The following SPAG16 variants were observed in gnomAD, a reference collection of about 807,000 sequenced individuals.
SPAG16 encodes the protein sperm-associated antigen 16 protein.
Under a neutral mutation model 80.4 loss-of-function variants are expected in SPAG16, and 86 were observed. The ratio of observed to expected loss-of-function variants is 1.07; its 90% CI spans 0.90 to 1.28. The LOEUF (loss-of-function observed/expected upper bound fraction) is 1.28. SPAG16 is among the 50% of genes most tolerant of loss of function. The pLI is 0.00. For missense variants in SPAG16, 870 were observed against 765.3 expected (o/e 1.14, Z -1.61); for synonymous variants, 294 against 265.9 (o/e 1.11, Z -1.03).
intron 9 of SPAG16, among the ~76,000 whole-genome samples, chr2:213,462,442 G>A (rs1216239084): frequency 6.6e-6 from 1 of 152,062 alleles, no homozygotes; most frequent in Non-Finnish European, 1.5e-5. Context: ...TGTATTTGGA[G>A]GAGATCACAT....
At chr2:213,599,709 GTTTTGTTTTT>G (rs1246181149) in intron 10 of SPAG16, among the ~76,000 whole-genome samples, 2 of 152,062 alleles carry the variant, frequency 1.3e-5, no homozygotes, top group African/African-American at 4.8e-5. Context: ...GTTTTGTTTT[GTTTTGTTTTT>G]GAGATGGAGT....
intron 10 of SPAG16, among the ~76,000 whole-genome samples, chr2:213,585,178 A>T (rs1486667701): frequency 6.7e-6 from 1 of 149,248 alleles, no homozygotes; most frequent in African/African-American, 2.5e-5. Context: ...AATGAGAGTG[A>T]GACTCCATCT....
At chr2:214,356,883 A>T (rs1234066843) in intron 15 of SPAG16, among the ~76,000 whole-genome samples, 1 of 151,840 alleles carries the variant, frequency 6.6e-6, no homozygotes, top group African/African-American at 2.4e-5. Flanking sequence ...TCTATCTCAT[A>T]CCTTTCTTTT....
At position 213,478,730 on chromosome 2, in the gene SPAG16, C is replaced by T. The variant is rs2073571855; in HGVS notation, c.943-11233C>T. 3.9e-5 allele frequency among the ~76,000 whole-genome samples: 6 copies of T among 152,220 alleles called. No individual in the cohort carries two copies. In the South Asian group the frequency reaches 1.2e-3, roughly 32 times the overall value. ...GAATGAATTAATAAAAACTATGTGA[C>T]TGTTCTGGAAGATTCTGCCATATTC... On this transcript the variant is annotated intron_variant, in intron 9 of 15. Transcript: ENST00000331683.
At chr2:214,126,025 T>C (rs2054464153) in intron 14 of SPAG16, among the ~76,000 whole-genome samples, 1 of 18,008 alleles carries the variant, frequency 5.6e-5, no homozygotes, top group African/African-American at 1.7e-4. Context: ...CTTCCTTCCT[T>C]CCTTCCTTCC....
chr2:213,828,174 T>G (rs555921976), intron 10 of SPAG16, among the ~76,000 whole-genome samples: 1 of 152,284 alleles, frequency 6.6e-6, no homozygotes, highest in Admixed American at 6.5e-5. Context: ...TTTGAGCCTA[T>G]TTTCTAGGTC....
rs191662637 is a variant in SPAG16, at chr2:214,017,489, A to G, written c.1527+3412A>G. ...ATAACTGAGTGTTCTAGGAAAGTCT[A>G]TATCTTATTTACTTTCTCTTATGTG... On this transcript the variant is annotated intron_variant, in intron 13 of 15. Transcript: ENST00000331683. Among the ~76,000 whole-genome samples, 34 of 152,262 alleles carry G rather than the reference A, an allele frequency of 2.2e-4. No homozygotes were observed. The East Asian group carries it at 4.4e-3, about 20-fold the overall frequency.
At chr2:214,184,823 A>G (rs553581053) in intron 15 of SPAG16, among the ~76,000 whole-genome samples, 3 of 152,236 alleles carry the variant, frequency 2.0e-5, no homozygotes, top group East Asian at 1.9e-4. Context: ...CTTTTTAGCC[A>G]TTTAAATTTT....
chr2:213,492,565 AC>A (rs969524012), intron 10 of SPAG16, among the ~76,000 whole-genome samples: 6 of 151,872 alleles, frequency 4.0e-5, no homozygotes, highest in African/African-American at 9.7e-5. Flanking sequence ...ACAAAAAAAA[AC>A]AACCAAAAGA....
chr2:214,190,564 T>A (rs2057629772), intron 15 of SPAG16, among the ~76,000 whole-genome samples: 2 of 152,160 alleles, frequency 1.3e-5, no homozygotes, highest in Non-Finnish European at 2.9e-5. Flanking sequence ...TCCAGCCTGT[T>A]GTATATGATA....
At chr2:214,309,893 G>T (rs910157298) in intron 15 of SPAG16, among the ~76,000 whole-genome samples, 4 of 152,162 alleles carry the variant, frequency 2.6e-5, no homozygotes, top group Admixed American at 2.6e-4. Context: ...CAGGTTGTGG[G>T]GTGTCCTGCT....
At chr2:214,276,389 T>C (rs932848100) in intron 15 of SPAG16, among the ~76,000 whole-genome samples, 18 of 152,222 alleles carry the variant, frequency 1.2e-4, no homozygotes, top group African/African-American at 4.3e-4. Context: ...CTTGCTAGCA[T>C]TGGTGGTCTT....
intron 5 of SPAG16, among the ~76,000 whole-genome samples, chr2:213,330,460 A>C (rs1200201940): frequency 6.6e-6 from 1 of 152,220 alleles, no homozygotes; most frequent in Non-Finnish European, 1.5e-5. Flanking sequence ...TGGATTTTGC[A>C]CTTGCATGGG....
rs1259666576 is a variant in SPAG16 at position 213,297,290 on chromosome 2, A to T, written c.212A>T (p.Glu71Val). Residue 71 changes from glutamate to valine, a missense_variant, in exon 3 of 16, where the codon GAA becomes GTA. Transcript: ENST00000331683. ...EIPDDNFSIP[E>V]GEEDLAKAIQ... ...CCAGATGACAATTTTAGCATCCCAG[A>T]AGGTGAAGAAGATCTGGCAAAAGCA... The T allele has an allele frequency of 2.5e-6, 4 of 1,612,780 alleles. No individual in the cohort carries two copies. In the South Asian group the frequency reaches 4.4e-5, roughly 18 times the overall value.
At chr2:213,662,756 G>A (rs930890555) in intron 10 of SPAG16, among the ~76,000 whole-genome samples, 6 of 151,852 alleles carry the variant, frequency 4.0e-5, no homozygotes, top group Admixed American at 3.9e-4. Context: ...CTTACTAATA[G>A]TTAACAAAAT....
At chr2:213,557,171 T>G (rs1380859666) in intron 10 of SPAG16, among the ~76,000 whole-genome samples, 1 of 152,140 alleles carries the variant, frequency 6.6e-6, no homozygotes, top group Non-Finnish European at 1.5e-5. Context: ...AGCACTGCCT[T>G]TAGATCTCTG....
intron 15 of SPAG16, among the ~76,000 whole-genome samples, chr2:214,377,026 A>G (rs1700171721): frequency 6.6e-6 from 1 of 152,220 alleles, no homozygotes; most frequent in Non-Finnish European, 1.5e-5. Flanking sequence ...ATACAGTTTT[A>G]AATAATAACT....
At chr2:213,970,892 T>A (rs538629751) in intron 12 of SPAG16, among the ~76,000 whole-genome samples, 35 of 152,198 alleles carry the variant, frequency 2.3e-4, no homozygotes, top group Non-Finnish European at 3.4e-4. Flanking sequence ...ACAGAACAGG[T>A]CTAATTTTCA....
intron 13 of SPAG16, among the ~76,000 whole-genome samples, chr2:214,106,359 G>GT (rs2053384157): frequency 6.6e-6 from 1 of 152,060 alleles, no homozygotes; most frequent in South Asian, 2.1e-4. Flanking sequence ...AGCATAATTG[G>GT]TTTAAAGTTA....
Sources: gnomAD v4.1 joint callset for allele counts (sites outside exome capture counted in the v4.1 genomes callset) on GRCh38, gnomAD v4.1.1 for gene constraint, MANE v1.5 for transcripts, NCBI Gene and HGNC (gene_info 2026-07-23, HGNC 2026-07-21) for gene names.